DNAJA3: variants seen among roughly 807,000 people sequenced by gnomAD.
DNAJA3 encodes dnaJ homolog subfamily A member 3, mitochondrial.
In DNAJA3, 29 loss-of-function variants were observed where a neutral mutation model predicts 54.9. The ratio of observed to expected loss-of-function variants is 0.53; its 90% CI spans 0.39 to 0.72. DNAJA3 has a LOEUF of 0.72. Among genes scored for constraint, DNAJA3 ranks in the 30% least tolerant of loss-of-function variants. DNAJA3 has a pLI of 0.00. For synonymous variants in DNAJA3, 302 were observed against 251.4 expected, an observed-to-expected ratio of 1.20 and a Z score of -1.90; for missense variants, 708 against 639.4, an observed-to-expected ratio of 1.11 and a Z score of -1.16.
At position 4,447,183 on chromosome 16, in the gene DNAJA3, A is replaced by G. The variant is rs2056913132; in HGVS notation, c.1125+169A>G. 1.1e-5 allele frequency: 8 copies of G among 724,300 alleles called. No individual in the cohort carries two copies. The East Asian group carries it at 2.2e-4, about 20-fold the overall frequency. 44.9% of individuals were successfully genotyped at this position (724,300 alleles called of 1,614,324 possible). A position where few individuals can be genotyped will look rare whatever the true frequency, so the allele number is the denominator to read the frequency against. On this transcript the variant is annotated intron_variant, in intron 8 of 11. Coordinates refer to ENST00000262375, the MANE Select transcript of DNAJA3 (RefSeq NM_005147.6). ...GGCTGCTCCTTGAGTGTGGACCACA[A>G]GCCACAGGCCTTGAGTCTATAATCG...
intron 7 of DNAJA3, among the ~76,000 whole-genome samples, chr16:4,445,014 T>C (rs1246339812): frequency 2.0e-5 from 3 of 152,188 alleles, no homozygotes; most frequent in Non-Finnish European, 4.4e-5. Context: ...AGATTGTTGA[T>C]GAGGCAGTGA....
In DNAJA3 at chr16:4,455,570, C is replaced by T. The variant is rs1434161999; in HGVS notation, c.*38C>T. On this transcript the variant is annotated 3_prime_UTR_variant, in exon 12 of 12. Coordinates refer to ENST00000262375, the MANE Select transcript of DNAJA3 (RefSeq NM_005147.6). ...GGAAAAAGATCCACTGGAAACTAGG[C>T]CGGGAAGCAGCAGCCCCTCCAAGGG... 2 of 1,551,642 alleles carry T rather than the reference C, an allele frequency of 1.3e-6. No individual in the cohort carries two copies. The highest frequency in any genetic ancestry group is 2.0e-5 in the Admixed American group (1 of 50,958).
intron 3 of DNAJA3, 71 bp downstream of exon 3, chr16:4,437,556 C>CAGGCTGTCCCAGGTAGCAA: frequency 8.0e-7 from 1 of 1,255,136 alleles, no homozygotes; most frequent in Non-Finnish European, 1.2e-6. Context: ...GCATTGCTAC[C>CAGGCTGTCCCAGGTAGCAA]TGGGACAGCC....
At position 4,425,904 on chromosome 16, in the gene DNAJA3, G is replaced by T; in HGVS notation, c.23G>T (p.Arg8Leu). Residue 8 changes from arginine (R) to leucine (L), a missense_variant, in exon 1 of 12, where the codon CGC (arginine) becomes CTC (leucine). Physicochemically the swap from Arg to Leu is moderately radical, Grantham distance 102. Transcript: ENST00000262375. The part of the protein sequence containing the change: MAARCST[R>L]WLLVVVGTPR... ...AAGATGGCTGCGCGGTGCTCCACAC[G>T]CTGGTTGCTGGTGGTTGTGGGGACC... The T allele has an allele frequency of 1.3e-6, 2 of 1,543,510 alleles. No individual in the cohort carries two copies. Among genetic ancestry groups the T allele is most frequent in the Non-Finnish European group, 1.7e-6 (2 of 1,145,694 alleles).
Position 4,450,494 on chromosome 16 carries a change from T to C in DNAJA3, c.1336T>C (p.Ser446Pro). ...GGTGAACGGCGTCACCCTCACCAGCTCTGGTAAGGAGTCTGAAGACTACAT... is the reference window on the plus strand; with the variant it reads ...GGTGAACGGCGTCACCCTCACCAGCCCTGGTAAGGAGTCTGAAGACTACAT... ...GTVNGVTLTS[S>P]GGSTMDSSAG... Residue 446 changes from serine to proline, a missense_variant, in exon 10 of 12, where the codon TCT (serine) becomes CCT (proline). By Grantham distance (74) the Ser-to-Pro change is moderately conservative. Coordinates refer to ENST00000262375, the MANE Select transcript of DNAJA3 (RefSeq NM_005147.6). The C allele has an allele frequency of 2.5e-6, 4 of 1,605,748 alleles. No homozygotes were observed. Among genetic ancestry groups the C allele is most frequent in the Non-Finnish European group, 3.4e-6 (4 of 1,176,208 alleles).
intron 3 of DNAJA3, among the ~76,000 whole-genome samples, chr16:4,438,734 C>T (rs1228777122): frequency 1.4e-5 from 2 of 148,138 alleles, no homozygotes; most frequent in East Asian, 4.0e-4. Context: ...GCCTCAGCCT[C>T]TCAAATTGCT....
At position 4,443,093 on chromosome 16, in the gene DNAJA3, C is replaced by A; in HGVS notation, c.860C>A (p.Ser287Ter). 1 of 1,614,030 alleles carries A rather than the reference C, an allele frequency of 6.2e-7. No individual in the cohort carries two copies. Among genetic ancestry groups the A allele is most frequent in the Non-Finnish European group, 8.5e-7 (1 of 1,180,008 alleles). Residue 287 changes from serine (S) to a stop codon, truncating the protein, a stop_gained, in exon 6 of 12, where the codon TCG becomes TAG. Coordinates refer to ENST00000262375, the MANE Select transcript of DNAJA3 (RefSeq NM_005147.6). LOFTEE classifies it high-confidence loss of function. ...GGTGGCCGCGGCTCCATCATCATAT[C>A]GCCCTGTGTGGTCTGCAGGGGAGCA... ...RCGGRGSIII[S>*]PCVVCRGAGQ...
chr16:4,443,224 C>G, intron 6 of DNAJA3, 60 bp downstream of exon 6: 1 of 1,596,438 alleles, frequency 6.3e-7, no homozygotes, highest in Non-Finnish European at 8.5e-7. Context: ...GTTGAGGCTA[C>G]CACACCGTGT....
chr16:4,454,248 T>C (rs1227607657), intron 10 of DNAJA3, among the ~76,000 whole-genome samples: 1 of 152,162 alleles, frequency 6.6e-6, no homozygotes, highest in African/African-American at 2.4e-5. Flanking sequence ...ATCTGGCCAG[T>C]TGGTCTAGAG....
At chr16:4,450,562 T>G in intron 10 of DNAJA3, 65 bp downstream of exon 10, 1 of 1,271,006 alleles carries the variant, frequency 7.9e-7, no homozygotes, top group Non-Finnish European at 1.1e-6. Flanking sequence ...GTATGGACAA[T>G]TCAGGGCAGC....
chr16:4,425,926 G>A lies in DNAJA3; in HGVS notation c.45G>A (p.Gly15=). The A allele has an allele frequency of 1.3e-6, 2 of 1,551,016 alleles. No homozygotes were observed. The highest frequency in any genetic ancestry group is 1.4e-5 in the African/African-American group (1 of 72,830). Residue 15 remains glycine (G), a synonymous_variant, in exon 1 of 12, where the codon GGG becomes GGA. Transcript: ENST00000262375. ...CSTRWLLVVV[G]TPRLPAISGR... ...CACGCTGGTTGCTGGTGGTTGTGGG[G>A]ACCCCGCGGCTGCCGGCTATATCGG...
chr16:4,434,328 G>A (rs925628720), intron 1 of DNAJA3, 56 bp from the exon 2 acceptor site: 8 of 1,591,786 alleles, frequency 5.0e-6, no homozygotes, highest in Non-Finnish European at 6.8e-6. Flanking sequence ...TGTACTCACA[G>A]TTTTCTTTTG....
intron 1 of DNAJA3, among the ~76,000 whole-genome samples, chr16:4,429,273 T>C (rs1300329775): frequency 6.6e-6 from 1 of 151,464 alleles, no homozygotes; most frequent in African/African-American, 2.4e-5. Flanking sequence ...CTCACCATGA[T>C]CTTGACTCAC....
At chr16:4,448,976 TA>T in intron 9 of DNAJA3, 128 bp downstream of exon 9, 1 of 667,772 alleles carries the variant, frequency 1.5e-6, no homozygotes, top group Non-Finnish European at 2.7e-6. Flanking sequence ...TATCTGTCTG[TA>T]AAGTGGACAT....
In DNAJA3 at chr16:4,456,494, A is replaced by T. The variant is rs1355416222; in HGVS notation, c.*962A>T. 2 of 152,794 alleles carry T rather than the reference A, an allele frequency of 1.3e-5. No individual in the cohort carries two copies. Among genetic ancestry groups the T allele is most frequent in the African/African-American group, 4.8e-5 (2 of 41,580 alleles). 9.5% of individuals were successfully genotyped at this position (152,794 alleles called of 1,614,324 possible). A position where few individuals can be genotyped will look rare whatever the true frequency, so the allele number is the denominator to read the frequency against. On this transcript the variant is annotated 3_prime_UTR_variant, in exon 12 of 12. Transcript: ENST00000262375. ...TTTGTAAATGTTGATTCAGAAAAGGAAAGCACAGGCTAAGCAGTTGAAGGT... is the reference window on the plus strand; with the variant it reads ...TTTGTAAATGTTGATTCAGAAAAGGTAAGCACAGGCTAAGCAGTTGAAGGT...
rs747841929 is a variant in DNAJA3 at position 4,441,407 on chromosome 16, C to T, written c.462C>T (p.Tyr154=). The T allele has an allele frequency of 6.8e-6, 11 of 1,613,800 alleles. No homozygotes were observed. The highest frequency in any genetic ancestry group is 4.0e-5 in the African/African-American group (3 of 74,910). The change falls in exon 4 of 12, where the codon TAC becomes TAT. Residue 154 remains tyrosine (Y), a synonymous_variant. Transcript: ENST00000262375. ...GTGATGAGGTGAAGAGGAAGCAGTA[C>T]GATGCCTACGGCTCTGCAGGCTTCG... ...VLSDEVKRKQ[Y]DAYGSAGFDP...
In DNAJA3 at chr16:4,425,922, TG is replaced by T; in HGVS notation, c.45del (p.Thr16ProfsTer24). Reference protein sequence around the residue: ...RCSTRWLLVVVGTPRLPAISG... With the variant: ...RCSTRWLLVVXGTPRLPAISG... ...TCCACACGCTGGTTGCTGGTGGTTG[TG>T]GGGACCCCGCGGCTGCCGGCTATAT... On this transcript the variant is annotated frameshift_variant, in exon 1 of 12. Coordinates refer to ENST00000262375, the MANE Select transcript of DNAJA3 (RefSeq NM_005147.6). LOFTEE classifies it high-confidence loss of function. The T allele has an allele frequency of 6.5e-7, 1 of 1,549,774 alleles. No homozygotes were observed. The highest frequency in any genetic ancestry group is 8.7e-7 in the Non-Finnish European group (1 of 1,148,596).
intron 1 of DNAJA3, among the ~76,000 whole-genome samples, chr16:4,427,531 C>A (rs1205661329): frequency 6.6e-6 from 1 of 152,096 alleles, no homozygotes; most frequent in Non-Finnish European, 1.5e-5. Flanking sequence ...ATTATTTAAC[C>A]CCTTCGAGCA....
chr16:4,448,110 T>A (rs2056926130), intron 8 of DNAJA3, among the ~76,000 whole-genome samples: 1 of 132,710 alleles, frequency 7.5e-6, no homozygotes, highest in Non-Finnish European at 1.6e-5. Context: ...CTCGTGGCAA[T>A]CTCCGCCTCC....
Sources: allele counts gnomAD v4.1 joint callset (sites outside exome capture counted in the v4.1 genomes callset), GRCh38; gene constraint gnomAD v4.1.1; transcripts MANE v1.5; gene names NCBI Gene and HGNC (gene_info 2026-07-23, HGNC 2026-07-21).